The following PCDH15 variants were observed in gnomAD, a reference collection of about 807,000 sequenced individuals.
The protein encoded by PCDH15 is protocadherin-15.
In PCDH15, 129 loss-of-function variants were observed where a neutral mutation model predicts 178.5. The ratio of observed to expected loss-of-function variants is 0.72; its 90% CI spans 0.63 to 0.84. The LOEUF is 0.84. Among genes scored for constraint, PCDH15 ranks in the 40% least tolerant of loss-of-function variants. The pLI is 0.00. For synonymous variants in PCDH15, 800 were observed against 732.0 expected, an observed-to-expected ratio of 1.09 and a Z score of -1.50; for missense variants, 2,230 against 2,099.9, an observed-to-expected ratio of 1.06 and a Z score of -1.21.
At chr10:55,347,748 T>C (rs1348908391) in intron 2 of PCDH15, among the ~76,000 whole-genome samples, 2 of 152,198 alleles carry the variant, frequency 1.3e-5, no homozygotes, top group Non-Finnish European at 2.9e-5. Context: ...CTTTGTTTTA[T>C]ATATTTTAAA....
chr10:54,067,211 C>T (rs572670005), intron 17 of PCDH15, among the ~76,000 whole-genome samples: 2 of 152,212 alleles, frequency 1.3e-5, no homozygotes, highest in Admixed American at 1.3e-4. Flanking sequence ...TTTGTTTATA[C>T]ACACGTACAC....
chr10:54,940,097 T>A (rs1292674476), intron 2 of PCDH15, among the ~76,000 whole-genome samples: 2 of 152,212 alleles, frequency 1.3e-5, no homozygotes, highest in African/African-American at 4.8e-5. Flanking sequence ...TTTCCTTTTT[T>A]AAAATGTATC....
At chr10:55,263,604 G>A (rs1264163300) in intron 1 of PCDH15, among the ~76,000 whole-genome samples, 1 of 152,158 alleles carries the variant, frequency 6.6e-6, no homozygotes, top group African/African-American at 2.4e-5. Flanking sequence ...CACCCACCAG[G>A]CCAACAGAAT....
intron 2 of PCDH15, among the ~76,000 whole-genome samples, chr10:55,616,635 TCA>T (rs1389810213): frequency 1.3e-5 from 2 of 152,132 alleles, no homozygotes; most frequent in South Asian, 2.1e-4. Context: ...AAAATTTTTA[TCA>T]CAGTCAGGGA....
chr10:54,344,904 C>CAA (rs57295345), intron 6 of PCDH15, among the ~76,000 whole-genome samples: 191 of 78,682 alleles, frequency 2.4e-3, no homozygotes, highest in East Asian at 4.9e-3. Context: ...AGAAACAAAG[C>CAA]AAAAAAAAAA....
chr10:54,881,373 G>A (rs776706837), intron 3 of PCDH15, among the ~76,000 whole-genome samples: 6 of 152,128 alleles, frequency 3.9e-5, no homozygotes, highest in Admixed American at 2.0e-4. Context: ...TTTCAGAAGC[G>A]ATATTTAGTT....
chr10:55,089,047 T>C (rs888163617), intron 2 of PCDH15, among the ~76,000 whole-genome samples: 8 of 152,158 alleles, frequency 5.3e-5, no homozygotes, highest in Non-Finnish European at 4.4e-5. Flanking sequence ...TAATTAGTTA[T>C]TTAGCCTGGT....
At chr10:55,569,586 A>G (rs966815525) in intron 2 of PCDH15, among the ~76,000 whole-genome samples, 2 of 151,994 alleles carry the variant, frequency 1.3e-5, no homozygotes, top group African/African-American at 4.8e-5. Flanking sequence ...CTAAAAAAAA[A>G]AACCAGAAAC....
chr10:54,523,632 T>G (rs1234636248), intron 3 of PCDH15, among the ~76,000 whole-genome samples: 1 of 152,218 alleles, frequency 6.6e-6, no homozygotes, highest in Admixed American at 6.5e-5. Context: ...TTTTGAAAAC[T>G]GCTGTAGGAA....
intron 1 of PCDH15, among the ~76,000 whole-genome samples, chr10:55,229,509 A>C (rs974051445): frequency 6.6e-6 from 1 of 151,966 alleles, no homozygotes; most frequent in African/African-American, 2.4e-5. Context: ...CATTTTTATG[A>C]CTCTGTATGT....
intron 8 of PCDH15, among the ~76,000 whole-genome samples, chr10:54,266,930 A>T (rs980004898): frequency 8.6e-5 from 13 of 151,994 alleles, no homozygotes; most frequent in Non-Finnish European, 1.9e-4. Context: ...AACTTACTGT[A>T]CAAAACCTAT....
In PCDH15 at chr10:54,057,461, C is replaced by A. The variant is rs560733912; in HGVS notation, c.2220+9296G>T. ...AGCCGCCAAGACTTGGGGCTTGTAA[C>A]CTCTGAAGCCCTGGCCTGAGCTATA... is the stretch of plus-strand genomic sequence containing the variant. On this transcript the variant is annotated intron_variant, in intron 18 of 37. Coordinates refer to ENST00000644397, the MANE Select transcript of PCDH15 (RefSeq NM_001384140.1). Among the ~76,000 whole-genome samples, 5 of 152,330 alleles carry A rather than the reference C, an allele frequency of 3.3e-5. No homozygotes were observed. In the East Asian group the frequency reaches 9.7e-4, roughly 29 times the overall value.
At position 53,810,719 on chromosome 10, in the gene PCDH15, T is replaced by G. The variant is rs778179580; in HGVS notation, c.4563-55A>C. The G allele has an allele frequency of 2.1e-6, 3 of 1,440,630 alleles. No homozygotes were observed. The Admixed American group carries it at 5.0e-5, about 24-fold the overall frequency. 89.2% of individuals were successfully genotyped at this position (1,440,630 alleles called of 1,614,324 possible). A position where few individuals can be genotyped will look rare whatever the true frequency, so the allele number is the denominator to read the frequency against. ...TTTGTCATGTGATTTCTGTAGAATC[T>G]ACCATGAGTGATCTGTTTCCTTCTT... On this transcript the variant is annotated intron_variant, in intron 36 of 37. Coordinates refer to ENST00000644397, the MANE Select transcript of PCDH15 (RefSeq NM_001384140.1).
chr10:54,425,899 G>T (rs995796857), intron 3 of PCDH15, among the ~76,000 whole-genome samples: 1 of 152,154 alleles, frequency 6.6e-6, no homozygotes, highest in Non-Finnish European at 1.5e-5. Context: ...CAACTGAGAA[G>T]TCTAATAGCA....
upstream of PCDH15, among the ~76,000 whole-genome samples, chr10:55,324,473 A>G (rs1424784463): frequency 2.0e-5 from 3 of 152,196 alleles, no homozygotes; most frequent in Non-Finnish European, 4.4e-5. Flanking sequence ...CTTTAAATCA[A>G]CAAAAATTTT....
intron 1 of PCDH15, among the ~76,000 whole-genome samples, chr10:55,172,005 A>G (rs1277541016): frequency 6.6e-6 from 1 of 152,060 alleles, no homozygotes. Context: ...TACATTTCAA[A>G]ACTTTTAGAA....
chr10:55,377,871 G>A (rs192474388), intron 2 of PCDH15, among the ~76,000 whole-genome samples: 226 of 152,222 alleles, frequency 1.5e-3, no homozygotes, highest in African/African-American at 5.1e-3. Context: ...GGAATACTAT[G>A]CAGCCATAAA....
chr10:54,071,480 T>C (rs1422880733), intron 17 of PCDH15, among the ~76,000 whole-genome samples: 1 of 152,160 alleles, frequency 6.6e-6, no homozygotes, highest in African/African-American at 2.4e-5. Flanking sequence ...AAATGCATTT[T>C]TTTATCATTT....
chr10:54,171,724 G>T (rs1590943624), intron 13 of PCDH15, among the ~76,000 whole-genome samples: 1 of 151,928 alleles, frequency 6.6e-6, no homozygotes, highest in South Asian at 2.1e-4. Context: ...ATCCTGAGTT[G>T]TCCCAATTCT....
Sources: gnomAD v4.1 joint callset for allele counts (sites outside exome capture counted in the v4.1 genomes callset) on GRCh38, gnomAD v4.1.1 for gene constraint, MANE v1.5 for transcripts, NCBI Gene and HGNC (gene_info 2026-07-23, HGNC 2026-07-21) for gene names.